The following MAP1LC3B variants were observed in gnomAD, a reference collection of about 807,000 sequenced individuals.
The protein encoded by MAP1LC3B is microtubule-associated protein 1 light chain 3 beta.
Under a neutral mutation model 16.7 loss-of-function variants are expected in MAP1LC3B, and 12 were observed. That is an observed-to-expected ratio of 0.72 (90% CI 0.46 to 1.16). MAP1LC3B has a LOEUF of 1.16. Among genes scored for constraint, MAP1LC3B ranks in the 50% most tolerant of loss-of-function variants. The pLI is 0.00. For missense variants in MAP1LC3B, 155 were observed against 159.5 expected (o/e 0.97, Z 0.15); for synonymous variants, 63 against 56.5 (o/e 1.11, Z -0.51).
At chr16:87,402,674 T>C (rs1597391771) in intron 3 of MAP1LC3B, 3 of 576,872 alleles carry the variant, frequency 5.2e-6, no homozygotes, top group Admixed American at 3.2e-5. Context: ...TGCTTTCTTA[T>C]ATTAGACAGT....
In MAP1LC3B at chr16:87,392,962, CGAGGGA is replaced by C. The variant is rs1907652428; in HGVS notation, c.40+497_40+502del. 2 of 152,386 alleles carry C rather than the reference CGAGGGA, an allele frequency of 1.3e-5. 1 individual carries two copies. The highest frequency in any genetic ancestry group is 6.8e-3 in the Middle Eastern group (2 of 294). 9.4% of individuals were successfully genotyped at this position (152,386 alleles called of 1,614,324 possible). On this transcript the variant is annotated intron_variant, in intron 1 of 3. Transcript: ENST00000268607. The stretch of plus-strand genomic sequence containing the variant: ...TCACCTTCAGGGCTGGTTTTCCCGT[CGAGGGA>C]GCCCGCCCGGGTGCGAGTGCCTCTT...
chr16:87,397,544 G>A (rs935169488), intron 1 of MAP1LC3B, among the ~76,000 whole-genome samples: 6 of 152,216 alleles, frequency 3.9e-5, no homozygotes, highest in Non-Finnish European at 8.8e-5. Flanking sequence ...TGTGAACCCA[G>A]GAGGCGGAGC....
At chr16:87,402,037 A>T (rs368061822) in intron 2 of MAP1LC3B, 138 bp from the exon 3 acceptor site, 4 of 678,288 alleles carry the variant, frequency 5.9e-6, no homozygotes, top group Non-Finnish European at 7.5e-6. Flanking sequence ...GGGTTTCACC[A>T]TGTTAGCCAG....
In MAP1LC3B at chr16:87,392,705, G is replaced by C. The variant is rs542036967; in HGVS notation, c.40+238G>C. On this transcript the variant is annotated intron_variant, in intron 1 of 3. Coordinates refer to ENST00000268607, the MANE Select transcript of MAP1LC3B (RefSeq NM_022818.5). ...GGCCGGGGCGGCCTGCGGACCTCTC[G>C]GAGGCCTGGGAGGAGGCAGCCGGCG... 2.7e-3 allele frequency: 545 copies of C among 200,190 alleles called. 2 individuals are homozygous for C. Among genetic ancestry groups the C allele is most frequent in the East Asian group, 0.014 (85 of 5,926 alleles). 12.4% of individuals were successfully genotyped at this position (200,190 alleles called of 1,614,324 possible).
intron 1 of MAP1LC3B, among the ~76,000 whole-genome samples, chr16:87,398,188 A>G (rs968865557): frequency 7.9e-5 from 12 of 151,936 alleles, no homozygotes; most frequent in East Asian, 1.9e-4. Context: ...ACGCCCGGCT[A>G]ATTTTTATAC....
intron 1 of MAP1LC3B, chr16:87,396,581 T>C (rs982146776): frequency 2.0e-5 from 3 of 152,152 alleles, no homozygotes; most frequent in Admixed American, 1.3e-4. Flanking sequence ...GAAAGAGGTA[T>C]CACTTATTCG....
In MAP1LC3B at chr16:87,392,391, G is replaced by GCGT. The variant is rs764256984; in HGVS notation, c.-31_-29dup. ...GCCCCCGGGAGCCGCCGGGACCCTC[G>GCGT]CGTCGTCGCCGCCGCCGCCGCCCAG... On this transcript the variant is annotated 5_prime_UTR_variant, in exon 1 of 4. Transcript: ENST00000268607. The GCGT allele has an allele frequency of 6.4e-6, 9 of 1,414,222 alleles. No individual in the cohort carries two copies. The highest frequency in any genetic ancestry group is 6.6e-5 in the Admixed American group (2 of 30,178). The allele number at this position is 1,414,222 out of a possible 1,614,324, so 87.6% of individuals were successfully genotyped here. A position where few individuals can be genotyped will look rare whatever the true frequency, so the allele number is the denominator to read the frequency against.
At chr16:87,399,457 A>G in intron 2 of MAP1LC3B, 2 of 318,726 alleles carry the variant, frequency 6.3e-6, no homozygotes, top group South Asian at 5.0e-5. Flanking sequence ...AAGGAAAGTG[A>G]TGACAGCTTG....
At chr16:87,396,346 G>C (rs1369287796) in intron 1 of MAP1LC3B, among the ~76,000 whole-genome samples, 1 of 151,740 alleles carries the variant, frequency 6.6e-6, no homozygotes, top group Non-Finnish European at 1.5e-5. Flanking sequence ...GTGGTGGCGG[G>C]CGCCTGTAGT....
intron 2 of MAP1LC3B, 78 bp from the exon 3 acceptor site, chr16:87,402,097 A>T: frequency 6.8e-7 from 1 of 1,460,254 alleles, no homozygotes; most frequent in South Asian, 1.2e-5. Flanking sequence ...GGCCTCCCAA[A>T]ATGCTGGGGT....
chr16:87,402,818 A>G, intron 3 of MAP1LC3B, 105 bp from the exon 4 acceptor site: 1 of 1,334,654 alleles, frequency 7.5e-7, no homozygotes, highest in South Asian at 1.4e-5. Context: ...AAGAGCATTT[A>G]GAACATTTTT....
At chr16:87,398,708 C>G (rs934832848) in intron 1 of MAP1LC3B, 107 bp from the exon 2 acceptor site, 10 of 931,078 alleles carry the variant, frequency 1.1e-5, no homozygotes, top group Non-Finnish European at 1.7e-5. Flanking sequence ...CTTCAGTGTT[C>G]TGCTGTGCCA....
At chr16:87,394,878 T>G (rs541308190) in intron 1 of MAP1LC3B, among the ~76,000 whole-genome samples, 6 of 150,514 alleles carry the variant, frequency 4.0e-5, no homozygotes, top group Admixed American at 2.7e-4. Flanking sequence ...AAGACCAGCC[T>G]GGGCAACATA....
chr16:87,395,615 T>G (rs991925595), intron 1 of MAP1LC3B, among the ~76,000 whole-genome samples: 2 of 152,230 alleles, frequency 1.3e-5, no homozygotes, highest in Admixed American at 1.3e-4. Context: ...TACTCCAGGC[T>G]CAGCACTGGA....
In MAP1LC3B at chr16:87,402,907, T is replaced by C. The variant is rs377049356; in HGVS notation, c.204-16T>C. ...TATTGTTGTCAATATTTCTTCACGT[T>C]GTTTTCTTTCAATAGAAGGCGCTTA... On this transcript the variant is annotated splice_polypyrimidine_tract_variant and intron_variant, in intron 3 of 3. Transcript: ENST00000268607. The C allele has an allele frequency of 2.5e-6, 4 of 1,613,594 alleles. No homozygotes were observed. In the African/African-American group the frequency reaches 5.3e-5, roughly 22 times the overall value.
rs566405864 is a variant in MAP1LC3B at position 87,403,631 on chromosome 16, G to A, written c.*534G>A. The A allele has an allele frequency of 6.5e-6, 1 of 152,854 alleles. No homozygotes were observed. The highest frequency in any genetic ancestry group is 2.1e-4 in the South Asian group (1 of 4,850). 9.5% of individuals were successfully genotyped at this position (152,854 alleles called of 1,614,324 possible). A position where few individuals can be genotyped will look rare whatever the true frequency, so the allele number is the denominator to read the frequency against. ...AGTTGGCACAAACGCAGGGTAAACG[G>A]GCTGTGTGAGAAAACGGCCCTGACT... On this transcript the variant is annotated 3_prime_UTR_variant, in exon 4 of 4. Transcript: ENST00000268607.
chr16:87,398,987 C>T, intron 2 of MAP1LC3B, 117 bp downstream of exon 2: 1 of 845,644 alleles, frequency 1.2e-6, no homozygotes, highest in Non-Finnish European at 2.0e-6. Context: ...CCCTGGGTGT[C>T]AGTTTCACAA....
intron 2 of MAP1LC3B, 70 bp downstream of exon 2, chr16:87,398,940 C>G: frequency 2.2e-6 from 3 of 1,374,434 alleles, no homozygotes; most frequent in Non-Finnish European, 3.1e-6. Context: ...AGTGCATCCA[C>G]TTGACGGGTT....
intron 1 of MAP1LC3B, chr16:87,393,096 C>G (rs572540063): frequency 6.6e-6 from 1 of 152,424 alleles, no homozygotes; most frequent in Non-Finnish European, 1.5e-5. Flanking sequence ...TGTCTGTAGC[C>G]CAGGAGCTGG....
Sources: allele counts gnomAD v4.1 joint callset (sites outside exome capture counted in the v4.1 genomes callset), GRCh38; gene constraint gnomAD v4.1.1; transcripts MANE v1.5; gene names NCBI Gene and HGNC (gene_info 2026-07-23, HGNC 2026-07-21).